Variants in ADAMTSL1 observed in about 807,000 individuals in gnomAD.
ADAMTSL1 encodes ADAMTS-like protein 1.
ADAMTSL1 carries 126 observed loss-of-function variants against 201.8 expected under a neutral mutation model. The observed-to-expected ratio is 0.62, with a 90% confidence interval of 0.54 to 0.72. The LOEUF (loss-of-function observed/expected upper bound fraction) is 0.72, where lower values mean the gene tolerates loss of function less well. Among genes scored for constraint, ADAMTSL1 ranks in the 30% least tolerant of loss-of-function variants. The pLI, the probability that ADAMTSL1 is intolerant of heterozygous loss-of-function variation, is 0.00. For missense variants in ADAMTSL1, 2,679 were observed against 2,277.8 expected, an observed-to-expected ratio of 1.18 and a Z score of -3.59; for synonymous variants, 1,121 against 903.4, an observed-to-expected ratio of 1.24 and a Z score of -4.32.
intron 1 of ADAMTSL1, among the ~76,000 whole-genome samples, chr9:18,085,298 G>A (rs903730818): frequency 6.6e-6 from 1 of 152,026 alleles, no homozygotes; most frequent in African/African-American, 2.4e-5. Flanking sequence ...GCGATCTTGG[G>A]CACAATACTT....
chr9:18,336,173 C>T (rs931256297), intron 2 of ADAMTSL1, among the ~76,000 whole-genome samples: 2 of 152,018 alleles, frequency 1.3e-5, no homozygotes, highest in Admixed American at 6.6e-5. Context: ...TTTGTGTTCC[C>T]GGTAGATGGA....
At chr9:18,826,107 T>G (rs1824537125) in intron 21 of ADAMTSL1, 177 bp from the exon 22 acceptor site, 2 of 690,790 alleles carry the variant, frequency 2.9e-6, no homozygotes, top group Non-Finnish European at 5.0e-6. Context: ...CCCTGAAGTC[T>G]ATATCCTTAT....
At chr9:18,855,124 A>T (rs577551616) in intron 23 of ADAMTSL1, among the ~76,000 whole-genome samples, 1 of 152,300 alleles carries the variant, frequency 6.6e-6, no homozygotes, top group Non-Finnish European at 1.5e-5. Flanking sequence ...TGGGTTTTCC[A>T]TTCCACAGAG....
chr9:18,230,378 G>T (rs1292195628), intron 2 of ADAMTSL1, among the ~76,000 whole-genome samples: 1 of 152,178 alleles, frequency 6.6e-6, no homozygotes, highest in Non-Finnish European at 1.5e-5. Flanking sequence ...ACAGTTAAAA[G>T]TTGGCTGGGA....
chr9:18,790,181 T>G (rs1821941916), intron 19 of ADAMTSL1, among the ~76,000 whole-genome samples: 1 of 152,216 alleles, frequency 6.6e-6, no homozygotes, highest in Admixed American at 6.5e-5. Context: ...TATATACTCT[T>G]CTATGAGATC....
At chr9:18,604,840 TTTTCTGCAGGGCTGCA>T (rs1406483254) in intron 4 of ADAMTSL1, among the ~76,000 whole-genome samples, 1 of 152,156 alleles carries the variant, frequency 6.6e-6, no homozygotes, top group African/African-American at 2.4e-5. Flanking sequence ...AGCCATACTG[TTTTCTGCAGGGCTGCA>T]CCATTTTACA....
At chr9:18,126,022 G>A (rs916185305) in intron 1 of ADAMTSL1, among the ~76,000 whole-genome samples, 10 of 152,088 alleles carry the variant, frequency 6.6e-5, no homozygotes, top group Admixed American at 1.3e-4. Flanking sequence ...CCTGCCTGAC[G>A]TACCTGCCAC....
At chr9:18,385,582 C>T (rs972092959) in intron 2 of ADAMTSL1, among the ~76,000 whole-genome samples, 1 of 152,156 alleles carries the variant, frequency 6.6e-6, no homozygotes, top group Non-Finnish European at 1.5e-5. Context: ...CTAGCCCTTC[C>T]TTTTGCAATA....
At chr9:18,423,326 G>C (rs544954370) in intron 2 of ADAMTSL1, among the ~76,000 whole-genome samples, 1 of 152,228 alleles carries the variant, frequency 6.6e-6, no homozygotes, top group East Asian at 1.9e-4. Flanking sequence ...TATGACATAA[G>C]TCACCTAATA....
intron 1 of ADAMTSL1, among the ~76,000 whole-genome samples, chr9:18,048,922 A>C (rs1821793987): frequency 1.3e-5 from 2 of 152,174 alleles, no homozygotes; most frequent in Admixed American, 1.3e-4. Context: ...CCAGAAATCC[A>C]AGATCAAGGT....
intron 2 of ADAMTSL1, among the ~76,000 whole-genome samples, chr9:18,339,338 C>A (rs533017237): frequency 6.6e-6 from 1 of 152,208 alleles, no homozygotes; most frequent in African/African-American, 2.4e-5. Context: ...ATGTGGTCAA[C>A]AAGCATATGA....
intron 2 of ADAMTSL1, among the ~76,000 whole-genome samples, chr9:18,455,834 A>C (rs1465758622): frequency 1.4e-5 from 2 of 142,876 alleles, no homozygotes; most frequent in Non-Finnish European, 3.0e-5. Context: ...CACTATCCCC[A>C]TCTATGTGGA....
At chr9:18,256,961 C>G (rs764843180) in intron 2 of ADAMTSL1, among the ~76,000 whole-genome samples, 2 of 152,192 alleles carry the variant, frequency 1.3e-5, no homozygotes, top group Non-Finnish European at 2.9e-5. Context: ...CCAGAGACAG[C>G]TGTACCCCTG....
At chr9:18,389,810 C>T (rs187540926) in intron 2 of ADAMTSL1, among the ~76,000 whole-genome samples, 1 of 152,188 alleles carries the variant, frequency 6.6e-6, no homozygotes, top group East Asian at 1.9e-4. Context: ...ATTGAAATTA[C>T]AATCTTATAT....
intron 1 of ADAMTSL1, among the ~76,000 whole-genome samples, chr9:18,033,471 G>C (rs62553125): frequency 1.3e-4 from 20 of 152,148 alleles, no homozygotes; most frequent in Admixed American, 3.3e-4. Context: ...TTTCCATTGA[G>C]TGAAGCTCCT....
At chr9:18,025,664 A>G (rs1023495582) in intron 1 of ADAMTSL1, among the ~76,000 whole-genome samples, 7 of 151,968 alleles carry the variant, frequency 4.6e-5, no homozygotes, top group Admixed American at 1.3e-4. Context: ...GCCTTGTGAT[A>G]TAGTTTGAAG....
chr9:18,838,402 C>CACACACACACACAA (rs754001590), intron 23 of ADAMTSL1, among the ~76,000 whole-genome samples: 2,200 of 125,436 alleles, frequency 0.018, 142 homozygotes, highest in East Asian at 0.07. Context: ...CACACACACA[C>CACACACACACACAA]GCAAAAACCT....
At chr9:18,470,829 C>A (rs916754017), upstream of ADAMTSL1, among the ~76,000 whole-genome samples, 4 of 136,304 alleles carry the variant, frequency 2.9e-5, no homozygotes, top group South Asian at 7.5e-4. Context: ...TTCAGACAGC[C>A]CTGACACTCT....
chr9:18,499,806 C>G lies in ADAMTSL1; in HGVS notation c.64-5023C>G, dbSNP rs535860394. ...ACGATCTGTTGACATCTGAAAAACA[C>G]TTCTCTTATACTATAACTTCAGCTG... On this transcript the variant is annotated intron_variant, in intron 1 of 28. Coordinates refer to ENST00000380548, the MANE Select transcript of ADAMTSL1 (RefSeq NM_001040272.6). Among the ~76,000 whole-genome samples the G allele has an allele frequency of 2.1e-3, 325 of 152,308 alleles. 3 individuals are homozygous for G. Among genetic ancestry groups the G allele is most frequent in the Non-Finnish European group, 3.6e-3 (245 of 68,032 alleles).
Sources: allele counts gnomAD v4.1 joint callset (sites outside exome capture counted in the v4.1 genomes callset), GRCh38; gene constraint gnomAD v4.1.1; transcripts MANE v1.5; gene names NCBI Gene and HGNC (gene_info 2026-07-23, HGNC 2026-07-21).